The following N4BP2L2 variants were observed in gnomAD, a reference collection of about 807,000 sequenced individuals.
N4BP2L2 encodes NEDD4 binding protein 2 like 2, also known as NEDD4-binding protein 2-like 2.
A neutral mutation model predicts 56.2 loss-of-function variants in N4BP2L2; 50 were observed. The ratio of observed to expected loss-of-function variants is 0.89; its 90% confidence interval spans 0.71 to 1.13. N4BP2L2 has a LOEUF of 1.13. N4BP2L2 is among the 50% of genes most tolerant of loss of function. The pLI is 0.00. For synonymous variants in N4BP2L2, 203 were observed against 223.6 expected (o/e 0.91, Z 0.82); for missense variants, 689 against 693.8 (o/e 0.99, Z 0.08).
chr13:32,462,591 T>C (rs1202672250), intron 6 of N4BP2L2, among the ~76,000 whole-genome samples: 1 of 152,020 alleles, frequency 6.6e-6, no homozygotes, highest in Non-Finnish European at 1.5e-5. Flanking sequence ...GTATTTATAT[T>C]TCCGAATAGC....
At chr13:32,465,326 G>T (rs2081040566) in intron 6 of N4BP2L2, among the ~76,000 whole-genome samples, 1 of 152,060 alleles carries the variant, frequency 6.6e-6, no homozygotes. Context: ...AATCACTGTG[G>T]AAAACATTAT....
intron 6 of N4BP2L2, among the ~76,000 whole-genome samples, chr13:32,480,377 CCA>C (rs2084370523): frequency 6.6e-6 from 1 of 152,074 alleles, no homozygotes; most frequent in Non-Finnish European, 1.5e-5. Flanking sequence ...AGAGTGAAAT[CCA>C]GGCAGAAGGA....
intron 6 of N4BP2L2, among the ~76,000 whole-genome samples, chr13:32,455,263 G>A (rs1357190269): frequency 6.6e-6 from 1 of 152,160 alleles, no homozygotes; most frequent in Non-Finnish European, 1.5e-5. Flanking sequence ...TATAGTGTGC[G>A]GCACCCTGGG....
chr13:32,436,097 A>T (rs764856589), intron 9 of N4BP2L2, among the ~76,000 whole-genome samples: 49 of 152,386 alleles, frequency 3.2e-4, no homozygotes, highest in Non-Finnish European at 1.6e-4. Context: ...AGAATGTTAT[A>T]AAATATGTTC....
intron 6 of N4BP2L2, among the ~76,000 whole-genome samples, chr13:32,465,723 G>A (rs981285290): frequency 6.6e-6 from 1 of 152,058 alleles, no homozygotes; most frequent in Admixed American, 6.5e-5. Flanking sequence ...GCATGATCTC[G>A]GCTTACTACA....
intron 5 of N4BP2L2, among the ~76,000 whole-genome samples, chr13:32,520,893 G>C (rs749008774): frequency 3.9e-5 from 6 of 152,106 alleles, no homozygotes; most frequent in Non-Finnish European, 8.8e-5. Flanking sequence ...AACTTACTCA[G>C]AATTGACTTT....
intron 6 of N4BP2L2, among the ~76,000 whole-genome samples, chr13:32,470,083 GC>G (rs905103991): frequency 6.6e-6 from 1 of 152,192 alleles, no homozygotes; most frequent in African/African-American, 2.4e-5. Context: ...CTTGCCATCA[GC>G]CGCTTGGCTC....
In N4BP2L2 at chr13:32,536,384, A is replaced by C. The variant is rs760348775; in HGVS notation, c.644T>G (p.Leu215Ter). 6.2e-7 allele frequency: 1 copy of C among 1,614,110 alleles called. No homozygotes were observed. Among genetic ancestry groups the C allele is most frequent in the African/African-American group, 1.3e-5 (1 of 75,052 alleles). ...ATCTTTCTTTTCTTCATCAGGTTTT[A>C]AGAGACCATTATTATGACCCTCATA... Residue 215 changes from leucine (L) to a stop codon, truncating the protein, a stop_gained, in exon 2 of 6, where the codon TTA (leucine) becomes TGA (stop). Coordinates refer to ENST00000267068, the Ensembl canonical transcript of N4BP2L2. LOFTEE classifies it high-confidence loss of function.
chr13:32,514,914 G>C (rs2048871345), exon 6 of N4BP2L2: 1 of 151,844 alleles, frequency 6.6e-6, no homozygotes, highest in East Asian at 2.0e-4. Context: ...AAGGCAGGCG[G>C]ATCACCTGGG....
At position 32,452,308 on chromosome 13, in the gene N4BP2L2, G is replaced by C. The variant is rs191931143; in HGVS notation, c.366-8182C>G. Among the ~76,000 whole-genome samples the C allele has an allele frequency of 4.8e-3, 733 of 152,224 alleles. 3 individuals are homozygous for C. Among genetic ancestry groups the C allele is most frequent in the Middle Eastern group, 6.8e-3 (2 of 294 alleles). The stretch of plus-strand genomic sequence containing the variant: ...ACTCCCGACCTCAGGTGATCCGCCT[G>C]CCTCGGCCTCCCAAAGTGCTGGGAA... On this transcript the variant is annotated intron_variant, in intron 6 of 9. Transcript: ENST00000357505.
intron 6 of N4BP2L2, chr13:32,444,262 C>CTTTG (rs747946581): frequency 5.1e-5 from 31 of 610,504 alleles, no homozygotes; most frequent in African/African-American, 1.3e-4. Context: ...CGTACTTTTT[C>CTTTG]TTTGTTTGTT....
intron 6 of N4BP2L2, among the ~76,000 whole-genome samples, chr13:32,496,366 ACCG>A (rs1323623333): frequency 2.6e-5 from 4 of 152,152 alleles, no homozygotes; most frequent in Non-Finnish European, 5.9e-5. Context: ...ATTTAAGACC[ACCG>A]CCTTACAATT....
chr13:32,515,788 G>C (rs888072158), exon 6 of N4BP2L2: 2 of 151,956 alleles, frequency 1.3e-5, no homozygotes, highest in Non-Finnish European at 2.9e-5. Context: ...ACAGGCTGGA[G>C]TGCAAGTGGC....
downstream of N4BP2L2, chr13:32,506,838 C>A (rs2091032748): frequency 6.6e-6 from 1 of 152,272 alleles, no homozygotes; most frequent in Non-Finnish European, 1.5e-5. Flanking sequence ...CATCCAGGAT[C>A]TTAAATATCA....
At chr13:32,439,540 C>T (rs976881420) in intron 7 of N4BP2L2, among the ~76,000 whole-genome samples, 41 of 151,932 alleles carry the variant, frequency 2.7e-4, no homozygotes, top group African/African-American at 8.9e-4. Flanking sequence ...GGACTTCTCC[C>T]CAAAAAAATG....
chr13:32,442,464 A>AC lies in N4BP2L2; in HGVS notation c.2027dup (p.Ser677PhefsTer3). Reference sequence around the variant, plus strand: ...CTTGTGATAATGGTAGCTCAAGGGAACGGTAGTCAGTGCTTGTTAAGTCTT... The same window carrying AC: ...CTTGTGATAATGGTAGCTCAAGGGAACCGGTAGTCAGTGCTTGTTAAGTCTT... On this transcript the variant is annotated frameshift_variant, in exon 7 of 10. Coordinates refer to the N4BP2L2 transcript ENST00000357505. LOFTEE classifies it high-confidence loss of function. 6.2e-7 allele frequency: 1 copy of AC among 1,613,182 alleles called. No individual in the cohort carries two copies. Among genetic ancestry groups the AC allele is most frequent in the South Asian group, 1.1e-5 (1 of 90,906 alleles).
At chr13:32,504,567 T>G (rs564735543) in intron 6 of N4BP2L2, 90 of 152,308 alleles carry the variant, frequency 5.9e-4, no homozygotes, top group African/African-American at 1.9e-3. Flanking sequence ...GAGTTAGGAC[T>G]TTAACTTATA....
chr13:32,517,566 G>T, exon 6 of N4BP2L2: 1 of 1,268,546 alleles, frequency 7.9e-7, no homozygotes, highest in Non-Finnish European at 1.0e-6. Context: ...TATTACTCAG[G>T]TGCTTCCATA....
chr13:32,458,946 C>A (rs958526678), intron 6 of N4BP2L2, among the ~76,000 whole-genome samples: 2 of 152,178 alleles, frequency 1.3e-5, no homozygotes, highest in African/African-American at 4.8e-5. Flanking sequence ...AGTATCTTCT[C>A]AGACAACAAT....
Sources: gnomAD v4.1 joint callset for allele counts (sites outside exome capture counted in the v4.1 genomes callset) on GRCh38, gnomAD v4.1.1 for gene constraint, MANE v1.5 for transcripts, NCBI Gene and HGNC (gene_info 2026-07-23, HGNC 2026-07-21) for gene names.